IMPG2: variants seen among roughly 807,000 people sequenced by gnomAD.
The protein encoded by IMPG2 is IPM 200.
A neutral mutation model predicts 129.2 loss-of-function variants in IMPG2; 91 were observed. The ratio of observed to expected loss-of-function variants is 0.70; its 90% CI spans 0.59 to 0.84. The LOEUF is 0.84. Among genes scored for constraint, IMPG2 ranks in the 40% least tolerant of loss-of-function variants. The pLI, the probability that IMPG2 is intolerant of heterozygous loss-of-function variation, is 0.00. For missense variants in IMPG2, 1,430 were observed against 1,461.7 expected (o/e 0.98, Z 0.35); for synonymous variants, 510 against 517.7 (o/e 0.99, Z 0.20).
chr3:101,241,166 T>C (rs989078698), intron 14 of IMPG2, among the ~76,000 whole-genome samples: 3 of 152,188 alleles, frequency 2.0e-5, no homozygotes, highest in Non-Finnish European at 2.9e-5. Flanking sequence ...ATTAAGCAAC[T>C]ATGCACATAA....
intron 4 of IMPG2, among the ~76,000 whole-genome samples, chr3:101,280,779 C>G (rs899283130): frequency 2.0e-5 from 3 of 152,004 alleles, no homozygotes; most frequent in Non-Finnish European, 4.4e-5. Context: ...AACCCCATCT[C>G]TACTAAAAAA....
chr3:101,314,300 G>C (rs1169833652), intron 2 of IMPG2, among the ~76,000 whole-genome samples: 1 of 152,014 alleles, frequency 6.6e-6, no homozygotes, highest in Non-Finnish European at 1.5e-5. Context: ...TATTGCATGG[G>C]ACATACGTAC....
rs559949082 is a variant in IMPG2, at chr3:101,289,514, G to C, written c.533+1965C>G. On this transcript the variant is annotated intron_variant, in intron 4 of 18. Transcript: ENST00000193391. ...AATGTTAAAATGCTATTACATGTTT[G>C]ATAATGTTAGTCAGGCAACAAATAT... is the stretch of plus-strand genomic sequence containing the variant. Among the ~76,000 whole-genome samples, 87 of 152,182 alleles carry C rather than the reference G, an allele frequency of 5.7e-4. No homozygotes were observed. In the South Asian group the frequency reaches 6.4e-3, roughly 11 times the overall value.
At chr3:101,230,210 G>C (rs950828289) in intron 16 of IMPG2, among the ~76,000 whole-genome samples, 3 of 152,194 alleles carry the variant, frequency 2.0e-5, no homozygotes, top group Non-Finnish European at 2.9e-5. Flanking sequence ...TTGATGGTGA[G>C]AGAAGTAAAC....
At position 101,243,818 on chromosome 3, in the gene IMPG2, A is replaced by G; in HGVS notation, c.2513T>C (p.Ile838Thr). The change falls in exon 13 of 19, where the codon ATT (isoleucine) becomes ACT (threonine). Residue 838 changes from isoleucine (I) to threonine (T), a missense_variant. Ile to Thr is a moderately conservative substitution (Grantham distance 89). Coordinates refer to ENST00000193391, the MANE Select transcript of IMPG2 (RefSeq NM_016247.4). ...EDEVIMGVQD[I>T]SLELDRIGTD... ...GCCTATCCGGTCCAGTTCTAACGAA[A>G]TATCCTGTACACCCATAATTACTTC... The G allele has an allele frequency of 6.2e-7, 1 of 1,614,210 alleles. No individual in the cohort carries two copies. Among genetic ancestry groups the G allele is most frequent in the Non-Finnish European group, 8.5e-7 (1 of 1,180,024 alleles).
Position 101,232,789 on chromosome 3 carries a change from G to T in IMPG2, c.3225C>A (p.Ala1075=), listed in dbSNP as rs754848352. ...CTGTAACTACAACATACCTACAAAT[G>T]GCCCCGTGCCCAGGCATAATGTCAC... ...GKCDIMPGHG[A]ICRCRVGENW... The change falls in exon 15 of 19, where the codon GCC becomes GCA. Residue 1075 remains alanine, a synonymous_variant. Transcript: ENST00000193391. The T allele has an allele frequency of 6.2e-7, 1 of 1,613,178 alleles. No individual in the cohort carries two copies.
At chr3:101,294,115 T>C (rs1234702837) in intron 3 of IMPG2, among the ~76,000 whole-genome samples, 1 of 152,202 alleles carries the variant, frequency 6.6e-6, no homozygotes, top group Non-Finnish European at 1.5e-5. Context: ...GGGATACAAG[T>C]GTAGAATGTG....
At chr3:101,229,703 A>G in intron 16 of IMPG2, 113 bp from the exon 17 acceptor site, 1 of 870,994 alleles carries the variant, frequency 1.1e-6, no homozygotes, top group Non-Finnish European at 1.9e-6. Flanking sequence ...CTTTACACAA[A>G]TGGTGGGACA....
chr3:101,236,071 A>G (rs183163091), intron 14 of IMPG2, among the ~76,000 whole-genome samples: 35 of 152,346 alleles, frequency 2.3e-4, no homozygotes, highest in Admixed American at 1.2e-3. Flanking sequence ...GCCTGATAGA[A>G]TCAACTGCCT....
Position 101,248,165 on chromosome 3 carries a change from A to T in IMPG2, c.1240-2060T>A, listed in dbSNP as rs141211060. 1.9e-3 allele frequency among the ~76,000 whole-genome samples: 286 copies of T among 152,324 alleles called. 8 individuals are homozygous for T. The East Asian group carries it at 0.054, about 29-fold the overall frequency. On this transcript the variant is annotated intron_variant, in intron 11 of 18. Transcript: ENST00000193391. ...TGTCCCCACCCAAATCTCATCTTGA[A>T]TTTCCACGTGTTGTGGGAGGGACCT...
chr3:101,244,738 C>T lies in IMPG2; in HGVS notation c.1593G>A (p.Leu531=). ...ESEDFLSIDS[L]PSSSFTQPVP... is the part of the protein sequence containing the mutation. ...CAGGTTGAGTGAATGAACTTGAAGG[C>T]AATGAATCAATAGAAAGAAAATCTT... The change falls in exon 13 of 19, where the codon TTG becomes TTA. Residue 531 remains leucine (L), a synonymous_variant. Transcript: ENST00000193391. The T allele has an allele frequency of 1.2e-6, 2 of 1,613,998 alleles. No individual in the cohort carries two copies. Among genetic ancestry groups the T allele is most frequent in the South Asian group, 1.1e-5 (1 of 91,086 alleles).
At chr3:101,270,859 G>C (rs1378744022) in intron 7 of IMPG2, among the ~76,000 whole-genome samples, 1 of 152,182 alleles carries the variant, frequency 6.6e-6, no homozygotes, top group East Asian at 1.9e-4. Context: ...CATTTAATCT[G>C]TAACATTTCA....
At chr3:101,290,408 G>A (rs1477458916) in intron 4 of IMPG2, among the ~76,000 whole-genome samples, 1 of 152,120 alleles carries the variant, frequency 6.6e-6, no homozygotes, top group Non-Finnish European at 1.5e-5. Context: ...TACTTGGGAG[G>A]CAGAAGTGGA....
intron 2 of IMPG2, among the ~76,000 whole-genome samples, chr3:101,314,991 AC>A (rs2058776366): frequency 6.6e-6 from 1 of 152,084 alleles, no homozygotes; most frequent in South Asian, 2.1e-4. Flanking sequence ...AGACAAGAGT[AC>A]CCAAGGGAAA....
At chr3:101,261,857 G>A (rs1295745287) in intron 9 of IMPG2, among the ~76,000 whole-genome samples, 2 of 152,078 alleles carry the variant, frequency 1.3e-5, no homozygotes, top group Non-Finnish European at 2.9e-5. Context: ...AAAATGGTAT[G>A]TGATTGAAGA....
chr3:101,269,607 T>G (rs368813625), intron 7 of IMPG2, 34 bp from the exon 8 acceptor site: 13 of 1,226,234 alleles, frequency 1.1e-5, no homozygotes, highest in Non-Finnish European at 1.3e-5. Context: ...GATAACTATG[T>G]AAAAATATGG....
chr3:101,262,892 G>A (rs1041020921), intron 9 of IMPG2, among the ~76,000 whole-genome samples: 1 of 151,434 alleles, frequency 6.6e-6, no homozygotes, highest in African/African-American at 2.4e-5. Flanking sequence ...CCAAAAGCAA[G>A]TGGGAGTAAC....
rs1336493900 is a variant in IMPG2 at position 101,226,016 on chromosome 3, G to A, written c.*953C>T. ...CATCTATATTATGTGAGGTAGTTAA[G>A]TGCTGTTTTCCAAATTAATACACCA... On this transcript the variant is annotated 3_prime_UTR_variant, in exon 19 of 19. Transcript: ENST00000193391. The A allele has an allele frequency of 6.5e-6, 1 of 154,470 alleles. No homozygotes were observed. Among genetic ancestry groups the A allele is most frequent in the Non-Finnish European group, 1.5e-5 (1 of 68,180 alleles). 9.6% of individuals were successfully genotyped at this position (154,470 alleles called of 1,614,324 possible).
chr3:101,261,671 TGCTTGAGATACCA>T (rs1706672653), intron 9 of IMPG2, among the ~76,000 whole-genome samples: 1 of 152,094 alleles, frequency 6.6e-6, no homozygotes, highest in South Asian at 2.1e-4. Flanking sequence ...CTCAAATAAG[TGCTTGAGATACCA>T]GAAAACCATC....
Sources: allele counts gnomAD v4.1 joint callset (sites outside exome capture counted in the v4.1 genomes callset), GRCh38; gene constraint gnomAD v4.1.1; transcripts MANE v1.5; gene names NCBI Gene and HGNC (gene_info 2026-07-23, HGNC 2026-07-21).